The following SVOP variants were observed in gnomAD, a reference collection of about 807,000 sequenced individuals.
SVOP encodes synaptic vesicle 2-related protein.
SVOP carries 17 observed loss-of-function variants against 69.1 expected under a neutral mutation model. The ratio of observed to expected loss-of-function variants is 0.25; its 90% CI spans 0.17 to 0.37. The LOEUF (loss-of-function observed/expected upper bound fraction) is 0.37. Among genes scored for constraint, SVOP ranks in the 10% least tolerant of loss-of-function variants. SVOP has a pLI of 1.00. For missense variants in SVOP, 435 were observed against 597.5 expected, an observed-to-expected ratio of 0.73 and a Z score of 2.84; for synonymous variants, 238 against 238.6, an observed-to-expected ratio of 1.00 and a Z score of 0.02.
intron 15 of SVOP, among the ~76,000 whole-genome samples, chr12:108,914,006 C>A (rs1046919850): frequency 6.6e-6 from 1 of 152,222 alleles, no homozygotes; most frequent in Admixed American, 6.5e-5. Flanking sequence ...ATGGGAAGAA[C>A]CTGGCAGCAC....
chr12:108,980,391 TCTATA>T (rs2137435987), intron 2 of SVOP, among the ~76,000 whole-genome samples: 1 of 152,306 alleles, frequency 6.6e-6, no homozygotes, highest in African/African-American at 2.4e-5. Flanking sequence ...GTGAGAAATG[TCTATA>T]CTATATCTGC....
chr12:108,956,856 G>A (rs2039988427), intron 6 of SVOP, among the ~76,000 whole-genome samples: 1 of 152,206 alleles, frequency 6.6e-6, no homozygotes, highest in African/African-American at 2.4e-5. Context: ...GAGAGCAATG[G>A]AACAGGACTC....
At chr12:108,953,699 CATT>C (rs2039969531) in intron 6 of SVOP, among the ~76,000 whole-genome samples, 2 of 152,092 alleles carry the variant, frequency 1.3e-5, no homozygotes, top group South Asian at 2.1e-4. Context: ...TAATTTAAGA[CATT>C]ATTTTTATGT....
At chr12:108,991,010 C>A (rs1382749639) in intron 1 of SVOP, among the ~76,000 whole-genome samples, 4 of 152,204 alleles carry the variant, frequency 2.6e-5, no homozygotes, top group Non-Finnish European at 5.9e-5. Context: ...CTGCCCTCAA[C>A]CCCATCGTGA....
At chr12:108,961,427 C>CA (rs2040017336) in intron 5 of SVOP, among the ~76,000 whole-genome samples, 1 of 133,274 alleles carries the variant, frequency 7.5e-6, no homozygotes, top group African/African-American at 2.8e-5. Flanking sequence ...ACATTCAAGA[C>CA]TTTTTTTTTT....
chr12:108,924,751 G>A (rs1355927824), intron 11 of SVOP, among the ~76,000 whole-genome samples: 5 of 152,326 alleles, frequency 3.3e-5, no homozygotes, highest in African/African-American at 1.2e-4. Context: ...GAAGGTTAGA[G>A]CCACAGGATG....
chr12:108,970,162 T>C (rs1593194872), intron 5 of SVOP, among the ~76,000 whole-genome samples: 1 of 152,252 alleles, frequency 6.6e-6, no homozygotes, highest in East Asian at 1.9e-4. Flanking sequence ...CTGCATCCTC[T>C]ATGGCATTGC....
chr12:108,989,682 G>C (rs2040188105), intron 1 of SVOP, among the ~76,000 whole-genome samples: 1 of 152,174 alleles, frequency 6.6e-6, no homozygotes. Context: ...CTACAGTTGT[G>C]AACCAACACT....
At chr12:109,004,938 A>T (rs2040297326) in intron 1 of SVOP, among the ~76,000 whole-genome samples, 1 of 151,914 alleles carries the variant, frequency 6.6e-6, no homozygotes, top group Non-Finnish European at 1.5e-5. Context: ...AGGTTTCACC[A>T]TGTTGGCCAG....
Position 108,912,760 on chromosome 12 carries a change from G to A in SVOP, c.1441-19C>T. 2 of 1,609,352 alleles carry A rather than the reference G, an allele frequency of 1.2e-6. No homozygotes were observed. The highest frequency in any genetic ancestry group is 1.7e-6 in the Non-Finnish European group (2 of 1,177,530). On this transcript the variant is annotated intron_variant, in intron 15 of 15. Transcript: ENST00000610966. Reference sequence around the variant, plus strand: ...GCATCACCTAGGGGAAGGAGACACGGGTCGGTGAAAGCATCCCTTCTGAAG... The same window carrying A: ...GCATCACCTAGGGGAAGGAGACACGAGTCGGTGAAAGCATCCCTTCTGAAG...
Position 108,940,883 on chromosome 12 carries a change from G to A in SVOP, c.669C>T (p.Phe223=), listed in dbSNP as rs186523251. Residue 223 remains phenylalanine, a synonymous_variant, in exon 8 of 16, where the codon TTC becomes TTT. Coordinates refer to ENST00000610966, the MANE Select transcript of SVOP (RefSeq NM_018711.5). ...TCACGAACACAGCCAGGACGACCTC[G>A]AACACTGTCCCGATGGCCCAGAATA... is the stretch of plus-strand genomic sequence containing the variant. ...IEVFWAIGTV[F]EVVLAVFVMP... is the part of the protein sequence containing the mutation. The A allele has an allele frequency of 1.1e-5, 17 of 1,536,964 alleles. No homozygotes were observed. In the East Asian group the frequency reaches 1.5e-4, roughly 13 times the overall value.
At chr12:108,951,823 A>G (rs1357016758) in intron 6 of SVOP, among the ~76,000 whole-genome samples, 1 of 152,162 alleles carries the variant, frequency 6.6e-6, no homozygotes, top group Non-Finnish European at 1.5e-5. Context: ...TTGCTCCAAT[A>G]TTTTCCGTCC....
At chr12:108,923,619 T>C (rs2039763509) in intron 11 of SVOP, among the ~76,000 whole-genome samples, 1 of 152,026 alleles carries the variant, frequency 6.6e-6, no homozygotes, top group Non-Finnish European at 1.5e-5. Flanking sequence ...AGATGATAAG[T>C]GTGTGCTGTC....
In SVOP at chr12:108,919,776, C is replaced by T; in HGVS notation, c.1167G>A (p.Val389=). ...TTLSEFPGVL[V]TLWIIDRLGR... ...CCAGGCGGTCAATAATCCACAGAGT[C>T]ACAAGGACACCTGGAAGGGGAGTGG... The change falls in exon 13 of 16, where the codon GTG becomes GTA. Residue 389 remains valine, a synonymous_variant. Coordinates refer to ENST00000610966, the MANE Select transcript of SVOP (RefSeq NM_018711.5). 6.3e-7 allele frequency: 1 copy of T among 1,594,858 alleles called. No homozygotes were observed. Among genetic ancestry groups the T allele is most frequent in the East Asian group, 2.3e-5 (1 of 44,026 alleles).
chr12:108,946,326 C>T (rs2039922728), intron 6 of SVOP, among the ~76,000 whole-genome samples: 1 of 152,010 alleles, frequency 6.6e-6, no homozygotes. Context: ...TCTCAAACTC[C>T]TGGGCTCAAG....
intron 11 of SVOP, among the ~76,000 whole-genome samples, chr12:108,931,387 G>T (rs1342106864): frequency 1.3e-5 from 2 of 152,182 alleles, no homozygotes; most frequent in Non-Finnish European, 2.9e-5. Context: ...GCATAAAAAA[G>T]CATATAGACT....
At chr12:108,942,539 G>T (rs1189267657) in intron 7 of SVOP, among the ~76,000 whole-genome samples, 1 of 152,224 alleles carries the variant, frequency 6.6e-6, no homozygotes, top group Non-Finnish European at 1.5e-5. Flanking sequence ...GCAGGAGATG[G>T]AAGCGGAGGG....
intron 1 of SVOP, among the ~76,000 whole-genome samples, chr12:108,993,835 G>C (rs752184559): frequency 2.2e-4 from 34 of 152,110 alleles, no homozygotes; most frequent in Non-Finnish European, 4.3e-4. Context: ...ACAGAAGATG[G>C]ACACATAGAG....
chr12:108,955,648 A>G (rs961025465), intron 6 of SVOP, among the ~76,000 whole-genome samples: 20 of 152,214 alleles, frequency 1.3e-4, no homozygotes, highest in Admixed American at 1.2e-3. Flanking sequence ...CCATGTGGTC[A>G]TATCTCCCCT....
Sources: gnomAD v4.1 joint callset for allele counts (sites outside exome capture counted in the v4.1 genomes callset) on GRCh38, gnomAD v4.1.1 for gene constraint, MANE v1.5 for transcripts, NCBI Gene and HGNC (gene_info 2026-07-23, HGNC 2026-07-21) for gene names.